The following CCDC171 variants were observed in gnomAD, a reference collection of about 807,000 sequenced individuals.
CCDC171 encodes the protein coiled-coil domain containing 171.
A neutral mutation model predicts 168.2 loss-of-function variants in CCDC171; 177 were observed. The observed-to-expected ratio is 1.05, with a 90% CI of 0.93 to 1.19. CCDC171 has a LOEUF of 1.19. Among genes scored for constraint, CCDC171 ranks in the 50% most tolerant of loss-of-function variants. The pLI is 0.00. For synonymous variants in CCDC171, 687 were observed against 540.8 expected (o/e 1.27, Z -3.75); for missense variants, 1,991 against 1,539.0 (o/e 1.29, Z -4.91).
intron 1 of CCDC171, among the ~76,000 whole-genome samples, chr9:15,557,306 C>G (rs1425806732): frequency 6.6e-6 from 1 of 152,116 alleles, no homozygotes; most frequent in Non-Finnish European, 1.5e-5. Context: ...ATGGGGATGG[C>G]ACTGAATCTA....
chr9:15,793,084 A>C (rs930644045), intron 21 of CCDC171, among the ~76,000 whole-genome samples: 5 of 152,140 alleles, frequency 3.3e-5, no homozygotes, highest in Non-Finnish European at 7.3e-5. Flanking sequence ...AACCCACCTC[A>C]CGTGCAGAGA....
At chr9:16,015,145 A>G (rs934642793) in intron 3 of CCDC171, among the ~76,000 whole-genome samples, 2 of 152,192 alleles carry the variant, frequency 1.3e-5, no homozygotes, top group Admixed American at 1.3e-4. Flanking sequence ...TAGTATAGCC[A>G]TGTTCATCAG....
chr9:15,710,970 C>A (rs1162383834), intron 11 of CCDC171, among the ~76,000 whole-genome samples: 2 of 152,130 alleles, frequency 1.3e-5, no homozygotes, highest in African/African-American at 4.8e-5. Context: ...AGGAGTTTCA[C>A]AGCCTGCATT....
intron 22 of CCDC171, among the ~76,000 whole-genome samples, chr9:15,847,923 A>G (rs1198023741): frequency 6.6e-6 from 1 of 152,044 alleles, no homozygotes; most frequent in Non-Finnish European, 1.5e-5. Context: ...TTGTAAAGCT[A>G]TGTAACATTG....
intron 3 of CCDC171, among the ~76,000 whole-genome samples, chr9:15,985,359 C>T (rs1831953561): frequency 6.6e-6 from 1 of 152,138 alleles, no homozygotes; most frequent in Admixed American, 6.5e-5. Context: ...AGATTACTTC[C>T]TTCCATTCAG....
At chr9:15,747,553 G>T (rs1324201113) in intron 18 of CCDC171, among the ~76,000 whole-genome samples, 1 of 152,158 alleles carries the variant, frequency 6.6e-6, no homozygotes, top group East Asian at 1.9e-4. Flanking sequence ...CCAGAGGAAG[G>T]ATCAGGCAGC....
At position 15,644,725 on chromosome 9, in the gene CCDC171, A is replaced by C. The variant is rs539858520; in HGVS notation, c.823-12402A>C. Among the ~76,000 whole-genome samples the C allele has an allele frequency of 8.5e-5, 13 of 152,326 alleles. No individual in the cohort carries two copies. The East Asian group carries it at 2.3e-3, about 27-fold the overall frequency. On this transcript the variant is annotated intron_variant, in intron 7 of 25. Coordinates refer to ENST00000380701, the MANE Select transcript of CCDC171 (RefSeq NM_173550.4). ...CGCCCACCATTGATGAGGCTTGAGTAGGTAAACAAAGTGGCAGGGAAGCTC... is the reference window on the plus strand; with the variant it reads ...CGCCCACCATTGATGAGGCTTGAGTCGGTAAACAAAGTGGCAGGGAAGCTC...
At chr9:16,102,488 T>TGGGGGGGGGG in the CCDC171 span, among the ~76,000 whole-genome samples, 5 of 50,062 alleles carry the variant, frequency 1.0e-4, no homozygotes, top group Non-Finnish European at 1.8e-4. Flanking sequence ...AAACGTGTGT[T>TGGGGGGGGGG]GGGGGGGGGC....
chr9:15,871,599 A>T (rs1159892372), intron 23 of CCDC171, among the ~76,000 whole-genome samples: 1 of 151,946 alleles, frequency 6.6e-6, no homozygotes, highest in East Asian at 1.9e-4. Context: ...TTCCTAAAGA[A>T]ATTCCAAATT....
At chr9:15,800,455 A>G (rs2058767480) in intron 21 of CCDC171, among the ~76,000 whole-genome samples, 1 of 151,962 alleles carries the variant, frequency 6.6e-6, no homozygotes, top group South Asian at 2.1e-4. Context: ...TTAAAATCAG[A>G]TTATTAGATT....
chr9:15,933,698 T>C (rs1438433875), intron 25 of CCDC171, among the ~76,000 whole-genome samples: 2 of 152,020 alleles, frequency 1.3e-5, no homozygotes, highest in Non-Finnish European at 2.9e-5. Context: ...CATTCTCATT[T>C]GTCTCAGAAA....
chr9:15,821,766 A>G lies in CCDC171; in HGVS notation c.3268-24936A>G, dbSNP rs1360084711. 1.7e-5 allele frequency among the ~76,000 whole-genome samples: 2 copies of G among 116,596 alleles called. 1 individual carries two copies. Among genetic ancestry groups the G allele is most frequent in the African/African-American group, 6.5e-5 (2 of 30,732 alleles). The allele number at this position is 116,596 out of a possible 152,430, so 76.5% of individuals were successfully genotyped here. A position where few individuals can be genotyped will look rare whatever the true frequency, so the allele number is the denominator to read the frequency against. ...GAAAATGGCCATACTGCCCAAGGTA[A>G]TTTATACATTCAATGCCATCCCCAT... is the stretch of plus-strand genomic sequence containing the variant. On this transcript the variant is annotated intron_variant, in intron 21 of 25. Coordinates refer to ENST00000380701, the MANE Select transcript of CCDC171 (RefSeq NM_173550.4).
chr9:15,909,216 T>C (rs1051960347), intron 24 of CCDC171, among the ~76,000 whole-genome samples: 1 of 152,216 alleles, frequency 6.6e-6, no homozygotes, highest in African/African-American at 2.4e-5. Flanking sequence ...CCTACCTGTT[T>C]ATGCTGAGCT....
chr9:15,953,118 A>G (rs1829397858), intron 25 of CCDC171, among the ~76,000 whole-genome samples: 1 of 152,142 alleles, frequency 6.6e-6, no homozygotes, highest in African/African-American at 2.4e-5. Flanking sequence ...AGAGCATATC[A>G]TCTGCAAAGA....
intron 25 of CCDC171, among the ~76,000 whole-genome samples, chr9:15,947,240 A>G (rs1828514668): frequency 6.6e-6 from 1 of 151,992 alleles, no homozygotes; most frequent in South Asian, 2.1e-4. Flanking sequence ...ACATTCATAG[A>G]CGTTAAAAAC....
intron 10 of CCDC171, among the ~76,000 whole-genome samples, chr9:15,684,529 T>C (rs539068082): frequency 1.3e-5 from 2 of 152,208 alleles, no homozygotes; most frequent in South Asian, 4.1e-4. Context: ...TTTTTATATG[T>C]TTCTTCAAGG....
At chr9:16,071,879 A>C in the CCDC171 span, among the ~76,000 whole-genome samples, 1 of 151,886 alleles carries the variant, frequency 6.6e-6, no homozygotes. Context: ...TTTCAAACTG[A>C]CCCAACCCCA....
intron 6 of CCDC171, among the ~76,000 whole-genome samples, chr9:15,620,011 C>T (rs1263409714): frequency 1.3e-5 from 2 of 152,114 alleles, no homozygotes; most frequent in Non-Finnish European, 2.9e-5. Context: ...TTTAAGCCCA[C>T]GGTACCTGCT....
intron 21 of CCDC171, among the ~76,000 whole-genome samples, chr9:15,809,593 C>T (rs753518860): frequency 2.6e-5 from 4 of 152,038 alleles, no homozygotes; most frequent in Non-Finnish European, 5.9e-5. Flanking sequence ...TGTTACAGCT[C>T]TTAAGGCGGC....
Sources: allele counts gnomAD v4.1 joint callset (sites outside exome capture counted in the v4.1 genomes callset), GRCh38; gene constraint gnomAD v4.1.1; transcripts MANE v1.5; gene names NCBI Gene and HGNC (gene_info 2026-07-23, HGNC 2026-07-21).